Variants in ZNF678 observed in about 807,000 individuals in gnomAD.
ZNF678 encodes hypothetical protein MGC42493.
ZNF678 carries 5 observed loss-of-function variants against 3.0 expected under a neutral mutation model. The ratio of observed to expected loss-of-function variants is 1.69; its 90% CI spans 0.88 to 3.56. The LOEUF (loss-of-function observed/expected upper bound fraction) is 3.56, where lower values mean the gene tolerates loss of function less well. ZNF678 is among the 30% of genes most tolerant of loss of function. ZNF678 has a pLI of 0.00. For synonymous variants in ZNF678, 218 were observed against 199.6 expected (o/e 1.09, Z -0.78); for missense variants, 593 against 605.0 (o/e 0.98, Z 0.21).
intron 1 of ZNF678, among the ~76,000 whole-genome samples, chr1:227,598,162 C>G (rs1386330821): frequency 6.6e-6 from 1 of 152,138 alleles, no homozygotes; most frequent in African/African-American, 2.4e-5. Flanking sequence ...TAATTTTATT[C>G]CCAAATAACC....
At chr1:227,651,172 G>C in intron 3 of ZNF678, 96 bp downstream of exon 3, 1 of 1,381,014 alleles carries the variant, frequency 7.2e-7, no homozygotes, top group Non-Finnish European at 9.9e-7. Flanking sequence ...GTTGTTGGCA[G>C]GGTCCACAAT....
chr1:227,596,192 A>G (rs776541909), intron 1 of ZNF678, among the ~76,000 whole-genome samples: 22 of 152,230 alleles, frequency 1.4e-4, no homozygotes, highest in Admixed American at 3.3e-4. Context: ...GATGTTCCAC[A>G]GGGCAGGCTT....
At chr1:227,648,656 A>T (rs1364964724) in intron 2 of ZNF678, among the ~76,000 whole-genome samples, 4 of 151,720 alleles carry the variant, frequency 2.6e-5, no homozygotes, top group African/African-American at 9.7e-5. Context: ...CATCTGTACT[A>T]AAAAAAACAA....
intron 1 of ZNF678, among the ~76,000 whole-genome samples, chr1:227,644,228 T>C (rs1347713281): frequency 6.6e-6 from 1 of 152,194 alleles, no homozygotes; most frequent in African/African-American, 2.4e-5. Context: ...GGATATGCCC[T>C]GTATTTACAT....
In ZNF678 at chr1:227,654,417, A is replaced by G. The variant is rs778342457; in HGVS notation, c.167A>G (p.His56Arg). Residue 56 changes from histidine (H) to arginine (R), a missense_variant, in exon 4 of 4, where the codon CAT becomes CGT. Transcript: ENST00000343776. ...DLCQKVTLTRHRSWGLDNLHL... is the reference protein window; with the variant it reads ...DLCQKVTLTRRRSWGLDNLHL... ...TGCCAAAAAGTGACACTGACAAGAC[A>G]TAGAAGCTGGGGCCTTGACAATTTG... The G allele has an allele frequency of 1.6e-5, 25 of 1,612,450 alleles. No homozygotes were observed. The highest frequency in any genetic ancestry group is 2.0e-5 in the Non-Finnish European group (23 of 1,179,224).
At chr1:227,636,647 GT>G (rs907689266) in intron 1 of ZNF678, among the ~76,000 whole-genome samples, 2 of 152,188 alleles carry the variant, frequency 1.3e-5, no homozygotes, top group East Asian at 1.9e-4. Context: ...TTTAAGGATA[GT>G]TTTTTTCTTT....
At chr1:227,603,419 T>C (rs1360821796) in intron 1 of ZNF678, among the ~76,000 whole-genome samples, 1 of 152,210 alleles carries the variant, frequency 6.6e-6, no homozygotes, top group Non-Finnish European at 1.5e-5. Context: ...GAGGGTTCAC[T>C]TTCAAACTTG....
intron 1 of ZNF678, among the ~76,000 whole-genome samples, chr1:227,604,988 T>TGG (rs1299792601): frequency 6.6e-6 from 1 of 152,110 alleles, no homozygotes; most frequent in East Asian, 1.9e-4. Flanking sequence ...CCCAATTAGC[T>TGG]GGGACTACAG....
chr1:227,650,599 C>T lies in ZNF678; in HGVS notation c.-36-357C>T, dbSNP rs367572500. The stretch of plus-strand genomic sequence containing the variant: ...AATATGACACTTTACAATAATTAGT[C>T]TTCTAATTCATAAACATTGGGTATC... On this transcript the variant is annotated intron_variant, in intron 2 of 3. Coordinates refer to ENST00000343776, the MANE Select transcript of ZNF678 (RefSeq NM_001367909.1). Among the ~76,000 whole-genome samples, 30 of 152,030 alleles carry T rather than the reference C, an allele frequency of 2.0e-4. No individual in the cohort carries two copies. The South Asian group carries it at 2.9e-3, about 15-fold the overall frequency.
intron 1 of ZNF678, among the ~76,000 whole-genome samples, chr1:227,626,988 G>A (rs1658435631): frequency 6.6e-6 from 1 of 150,450 alleles, no homozygotes; most frequent in Middle Eastern, 3.2e-3. Flanking sequence ...ACCCAGACTA[G>A]TAGATACTGA....
intron 1 of ZNF678, among the ~76,000 whole-genome samples, chr1:227,612,758 A>G (rs1297913582): frequency 2.0e-5 from 3 of 152,184 alleles, no homozygotes; most frequent in South Asian, 2.1e-4. Flanking sequence ...TTTTGGTGAC[A>G]TAATTACCCA....
At chr1:227,629,475 C>G (rs1408568464) in intron 1 of ZNF678, among the ~76,000 whole-genome samples, 9 of 152,210 alleles carry the variant, frequency 5.9e-5, no homozygotes, top group Admixed American at 5.2e-4. Context: ...AACTTAGTGA[C>G]TGGGAGAAGT....
At position 227,658,631 on chromosome 1, in the gene ZNF678, T is replaced by A. The variant is rs1659318796; in HGVS notation, c.*2803T>A. On this transcript the variant is annotated 3_prime_UTR_variant, in exon 4 of 4. Transcript: ENST00000343776. ...CACTGTTCTCTGCAGCCCATGTAAT[T>A]TCATACAGTATTTTGTAGGTTGTGA... 6.6e-6 allele frequency: 1 copy of A among 152,080 alleles called. No individual in the cohort carries two copies. The highest frequency in any genetic ancestry group is 2.4e-5 in the African/African-American group (1 of 41,454). The allele number at this position is 152,080 out of a possible 1,614,324, so 9.4% of individuals were successfully genotyped here. A position where few individuals can be genotyped will look rare whatever the true frequency, so the allele number is the denominator to read the frequency against.
At chr1:227,567,012 C>A (rs779881407) in intron 1 of ZNF678, among the ~76,000 whole-genome samples, 1 of 152,196 alleles carries the variant, frequency 6.6e-6, no homozygotes, top group African/African-American at 2.4e-5. Flanking sequence ...TATATAGATT[C>A]ATGAAACATC....
chr1:227,603,277 A>G (rs551790772), intron 1 of ZNF678, among the ~76,000 whole-genome samples: 8 of 152,264 alleles, frequency 5.3e-5, no homozygotes, highest in African/African-American at 1.2e-4. Flanking sequence ...ATCAGGTACA[A>G]TCCCTGGAAG....
At chr1:227,625,353 T>C (rs144271778) in intron 1 of ZNF678, among the ~76,000 whole-genome samples, 3,074 of 152,192 alleles carry the variant, frequency 0.02, 42 homozygotes, top group Non-Finnish European at 0.03. Flanking sequence ...TCCTGCTGAA[T>C]TGGGGCCTGG....
At chr1:227,620,558 G>A (rs1658256523) in intron 1 of ZNF678, among the ~76,000 whole-genome samples, 2 of 152,184 alleles carry the variant, frequency 1.3e-5, no homozygotes, top group South Asian at 4.1e-4. Flanking sequence ...AAGTTTACTG[G>A]AGCCAAGTGA....
chr1:227,653,217 C>G (rs1047229993), intron 3 of ZNF678, among the ~76,000 whole-genome samples: 1 of 151,910 alleles, frequency 6.6e-6, no homozygotes. Context: ...ATTTCAAAAT[C>G]TTGCTTATAA....
intron 1 of ZNF678, among the ~76,000 whole-genome samples, chr1:227,586,577 A>T (rs950046513): frequency 4.6e-5 from 7 of 152,252 alleles, no homozygotes; most frequent in Admixed American, 1.3e-4. Flanking sequence ...AAAAATAAGT[A>T]ACTAAGAGTC....
Sources: gnomAD v4.1 joint callset for allele counts (sites outside exome capture counted in the v4.1 genomes callset) on GRCh38, gnomAD v4.1.1 for gene constraint, MANE v1.5 for transcripts, NCBI Gene and HGNC (gene_info 2026-07-23, HGNC 2026-07-21) for gene names.